Variants in CHRM3 observed in about 807,000 individuals in gnomAD.
CHRM3 encodes cholinergic receptor muscarinic 3.
In CHRM3, 11 loss-of-function variants were observed where a neutral mutation model predicts 41.8. The ratio of observed to expected loss-of-function variants is 0.26; its 90% CI spans 0.17 to 0.44. The LOEUF is 0.44. CHRM3 is among the 20% of genes least tolerant of loss of function. The pLI, the probability that CHRM3 is intolerant of heterozygous loss-of-function variation, is 1.00. For synonymous variants in CHRM3, 297 were observed against 301.4 expected (o/e 0.99, Z 0.15); for missense variants, 571 against 745.4 (o/e 0.77, Z 2.72).
At chr1:239,579,906 C>T (rs191922511) in intron 3 of CHRM3, among the ~76,000 whole-genome samples, 2 of 152,128 alleles carry the variant, frequency 1.3e-5, no homozygotes, top group Admixed American at 6.6e-5. Flanking sequence ...GGGAAGAACT[C>T]GAGGCACAGC....
At chr1:239,783,997 A>G (rs1668703539) in intron 5 of CHRM3, among the ~76,000 whole-genome samples, 1 of 152,192 alleles carries the variant, frequency 6.6e-6, no homozygotes, top group African/African-American at 2.4e-5. Flanking sequence ...CACCGAGGAT[A>G]ATGGCCTCCA....
At chr1:239,878,860 C>A (rs1677348202) in intron 6 of CHRM3, among the ~76,000 whole-genome samples, 1 of 152,222 alleles carries the variant, frequency 6.6e-6, no homozygotes, top group African/African-American at 2.4e-5. Context: ...CTAGATGGGA[C>A]ACCCCTAATT....
chr1:239,740,171 C>T (rs1251538463), intron 5 of CHRM3, among the ~76,000 whole-genome samples: 3 of 152,116 alleles, frequency 2.0e-5, no homozygotes, highest in Non-Finnish European at 4.4e-5. Context: ...CAACCTTCCA[C>T]TTCCTATTGG....
At chr1:239,747,550 G>T (rs1665473357) in intron 5 of CHRM3, among the ~76,000 whole-genome samples, 1 of 152,044 alleles carries the variant, frequency 6.6e-6, no homozygotes, top group Non-Finnish European at 1.5e-5. Context: ...TCCCCATTAA[G>T]CCTGTTCTTG....
chr1:239,910,750 AGGG>A lies in CHRM3; in HGVS notation c.*1527_*1529del, dbSNP rs1680319979. 8.1e-6 allele frequency: 1 copy of A among 123,116 alleles called. No homozygotes were observed. The highest frequency in any genetic ancestry group is 1.9e-5 in the Non-Finnish European group (1 of 53,614). The allele number at this position is 123,116 out of a possible 1,614,324, so 7.6% of individuals were successfully genotyped here. A position where few individuals can be genotyped will look rare whatever the true frequency, so the allele number is the denominator to read the frequency against. Reference sequence around the variant, plus strand: ...GGGGCTGTTTGGGGAGAGGGAGGGGAGGGAGGTGGGAGGGCCGCGGAGATATCT... The same window carrying A: ...GGGGCTGTTTGGGGAGAGGGAGGGGAAGGTGGGAGGGCCGCGGAGATATCT... On this transcript the variant is annotated 3_prime_UTR_variant, in exon 7 of 7. Coordinates refer to ENST00000676153, the MANE Select transcript of CHRM3 (RefSeq NM_001375978.1).
chr1:239,629,066 C>T (rs1194381847), intron 3 of CHRM3: 1 of 98,770 alleles, frequency 1.0e-5, no homozygotes, highest in Non-Finnish European at 2.0e-5. Context: ...TTTACCTAAG[C>T]AAGCCTGGGC....
intron 5 of CHRM3, among the ~76,000 whole-genome samples, chr1:239,739,853 G>A (rs1664691450): frequency 6.6e-6 from 1 of 152,060 alleles, no homozygotes; most frequent in Non-Finnish European, 1.5e-5. Context: ...TGGCTGATGG[G>A]CCCTTCACAT....
intron 1 of CHRM3, among the ~76,000 whole-genome samples, chr1:239,469,675 G>A (rs533447461): frequency 2.2e-4 from 34 of 152,232 alleles, no homozygotes; most frequent in African/African-American, 7.9e-4. Context: ...TCCTGCCTCA[G>A]CCTCCGGAGT....
chr1:239,402,701 C>G (rs1218023923), intron 1 of CHRM3, among the ~76,000 whole-genome samples: 2 of 152,166 alleles, frequency 1.3e-5, no homozygotes, highest in Non-Finnish European at 2.9e-5. Flanking sequence ...ATATGGTCGT[C>G]CCTCAGTATC....
intron 1 of CHRM3, among the ~76,000 whole-genome samples, chr1:239,432,310 G>A (rs983431013): frequency 3.3e-5 from 5 of 152,146 alleles, no homozygotes; most frequent in Non-Finnish European, 2.9e-5. Flanking sequence ...AACTTCTCAG[G>A]GGCATTAAAT....
chr1:239,828,381 C>G (rs960670561), intron 6 of CHRM3, among the ~76,000 whole-genome samples: 1 of 151,984 alleles, frequency 6.6e-6, no homozygotes, highest in African/African-American at 2.4e-5. Flanking sequence ...TACATAGATA[C>G]ACACACAGGT....
intron 3 of CHRM3, among the ~76,000 whole-genome samples, chr1:239,579,164 G>A (rs1662641531): frequency 6.6e-6 from 1 of 152,150 alleles, no homozygotes; most frequent in African/African-American, 2.4e-5. Flanking sequence ...CTTGTTAAAT[G>A]CCTTCTTTGC....
At chr1:239,522,328 C>G (rs1159990934) in intron 2 of CHRM3, among the ~76,000 whole-genome samples, 2 of 152,208 alleles carry the variant, frequency 1.3e-5, no homozygotes, top group Non-Finnish European at 2.9e-5. Context: ...TGGCCACCAG[C>G]CGTCACCAAC....
At chr1:239,795,608 A>G (rs1669702397) in intron 5 of CHRM3, among the ~76,000 whole-genome samples, 2 of 152,190 alleles carry the variant, frequency 1.3e-5, no homozygotes, top group South Asian at 4.1e-4. Context: ...CAGAATAAAG[A>G]TGAAACCTTT....
chr1:239,569,215 C>G (rs1351654815), intron 3 of CHRM3, among the ~76,000 whole-genome samples: 1 of 152,160 alleles, frequency 6.6e-6, no homozygotes, highest in African/African-American at 2.4e-5. Flanking sequence ...TTTGCTCTCT[C>G]TAAGATATGG....
intron 2 of CHRM3, among the ~76,000 whole-genome samples, chr1:239,540,127 G>A (rs768088469): frequency 1.3e-5 from 2 of 152,174 alleles, no homozygotes; most frequent in Non-Finnish European, 2.9e-5. Flanking sequence ...GCACAACAAG[G>A]AAGTCACCTA....
At chr1:239,568,504 T>A (rs1480313357) in intron 3 of CHRM3, among the ~76,000 whole-genome samples, 1 of 152,136 alleles carries the variant, frequency 6.6e-6, no homozygotes, top group Non-Finnish European at 1.5e-5. Context: ...CTTCTTTTTC[T>A]TTATAAATTA....
At position 239,633,272 on chromosome 1, in the gene CHRM3, G is replaced by A. The variant is rs1573033629; in HGVS notation, c.-250+986G>A. Among the ~76,000 whole-genome samples, 4 of 152,150 alleles carry A rather than the reference G, an allele frequency of 2.6e-5. No homozygotes were observed. In the South Asian group the frequency reaches 8.3e-4, roughly 32 times the overall value. ...AGGCGTGAGCCACCGCACCCAGCTA[G>A]GCATGACTTACATAGCGGCAGGAGA... On this transcript the variant is annotated intron_variant, in intron 4 of 6. Coordinates refer to ENST00000676153, the MANE Select transcript of CHRM3 (RefSeq NM_001375978.1).
intron 6 of CHRM3, chr1:239,886,449 C>A (rs1041295530): frequency 6.6e-6 from 1 of 152,168 alleles, no homozygotes; most frequent in Non-Finnish European, 1.5e-5. Flanking sequence ...TCAGGGCCAG[C>A]TCTTCTGTCT....
Sources: allele counts gnomAD v4.1 joint callset (sites outside exome capture counted in the v4.1 genomes callset), GRCh38; gene constraint gnomAD v4.1.1; transcripts MANE v1.5; gene names NCBI Gene and HGNC (gene_info 2026-07-23, HGNC 2026-07-21).